SGCD: variants seen among roughly 807,000 people sequenced by gnomAD.
The protein encoded by SGCD is sarcoglycan delta.
Under a neutral mutation model 36.6 loss-of-function variants are expected in SGCD, and 18 were observed. The observed-to-expected ratio is 0.49, with a 90% CI of 0.34 to 0.73. The LOEUF is 0.73. Among genes scored for constraint, SGCD ranks in the 30% least tolerant of loss-of-function variants. SGCD has a pLI of 0.01. For synonymous variants in SGCD, 133 were observed against 130.6 expected (o/e 1.02, Z -0.12); for missense variants, 387 against 346.7 (o/e 1.12, Z -0.92).
At chr5:156,405,228 G>A (rs899307872) in intron 3 of SGCD, among the ~76,000 whole-genome samples, 3 of 152,188 alleles carry the variant, frequency 2.0e-5, no homozygotes, top group Admixed American at 2.0e-4. Flanking sequence ...AACCTTGTAA[G>A]ACCCTCTTCA....
At chr5:155,923,944 G>C (rs980672267) in intron 1 of SGCD, among the ~76,000 whole-genome samples, 7 of 152,166 alleles carry the variant, frequency 4.6e-5, no homozygotes, top group African/African-American at 1.7e-4. Context: ...GGGTGTGAAA[G>C]GGTCCTCATT....
At chr5:156,567,757 G>GAATGTAGT (rs1430627515) in intron 4 of SGCD, among the ~76,000 whole-genome samples, 4 of 152,188 alleles carry the variant, frequency 2.6e-5, no homozygotes, top group Non-Finnish European at 5.9e-5. Flanking sequence ...CAGCTTCTTA[G>GAATGTAGT]AATGTAGTAG....
At chr5:156,393,951 GA>G in intron 3 of SGCD, 2 of 386,274 alleles carry the variant, frequency 5.2e-6, no homozygotes, top group Non-Finnish European at 1.0e-5. Flanking sequence ...TTCTTTCCCT[GA>G]AAAAGGCCAC....
chr5:156,445,747 A>C (rs1002270666), intron 3 of SGCD, among the ~76,000 whole-genome samples: 2 of 152,144 alleles, frequency 1.3e-5, no homozygotes, highest in Admixed American at 6.6e-5. Context: ...GGATTTATCC[A>C]TGTAAAACTG....
intron 1 of SGCD, among the ~76,000 whole-genome samples, chr5:155,997,829 A>G (rs1758584648): frequency 6.6e-6 from 1 of 152,264 alleles, no homozygotes; most frequent in South Asian, 2.1e-4. Flanking sequence ...ATCTGGAGAC[A>G]CTATGAAGAA....
chr5:156,059,627 C>G lies in SGCD; in HGVS notation c.-281-58251C>G, dbSNP rs1295783198. Among the ~76,000 whole-genome samples the G allele has an allele frequency of 1.5e-5, 2 of 136,334 alleles. 1 individual carries two copies. The highest frequency in any genetic ancestry group is 6.4e-5 in the African/African-American group (2 of 31,468). The allele number at this position is 136,334 out of a possible 152,430, so 89.4% of individuals were successfully genotyped here. On this transcript the variant is annotated intron_variant, in intron 1 of 9. Transcript: ENST00000517913. ...AGGTAACACAGTTTAGGTGGCAGTC[C>G]TGCTCTGTGACTTAGCTGCTACCTG...
At chr5:156,731,913 G>A (rs1581487607) in intron 7 of SGCD, among the ~76,000 whole-genome samples, 1 of 152,206 alleles carries the variant, frequency 6.6e-6, no homozygotes, top group East Asian at 1.9e-4. Context: ...TATTTTTGTG[G>A]CAGTTGTGTA....
intron 3 of SGCD, among the ~76,000 whole-genome samples, chr5:156,218,835 T>C (rs375708061): frequency 1.8e-4 from 28 of 152,298 alleles, no homozygotes; most frequent in Middle Eastern, 6.8e-3. Flanking sequence ...CATGTTTATC[T>C]TAAATTTCCA....
chr5:156,492,450 G>A (rs764223097), intron 3 of SGCD, among the ~76,000 whole-genome samples: 15 of 152,026 alleles, frequency 9.9e-5, no homozygotes, highest in African/African-American at 2.9e-4. Flanking sequence ...TCAATATTTC[G>A]ATTCCAGTCT....
chr5:155,897,632 C>G (rs988458851), intron 1 of SGCD, among the ~76,000 whole-genome samples: 2 of 151,506 alleles, frequency 1.3e-5, no homozygotes, highest in Non-Finnish European at 2.9e-5. Context: ...TCTTTATATC[C>G]TGATTTCATA....
chr5:156,086,838 T>C (rs1410580894), intron 1 of SGCD, among the ~76,000 whole-genome samples: 1 of 152,110 alleles, frequency 6.6e-6, no homozygotes, highest in Non-Finnish European at 1.5e-5. Context: ...AAAAATAGGG[T>C]ATTTGGTTAC....
At chr5:156,491,421 C>T (rs921745392) in intron 3 of SGCD, among the ~76,000 whole-genome samples, 5 of 152,102 alleles carry the variant, frequency 3.3e-5, no homozygotes, top group African/African-American at 1.2e-4. Context: ...AGGCATCACA[C>T]TACTTGATCT....
At chr5:156,472,468 A>G (rs1755014083) in intron 3 of SGCD, among the ~76,000 whole-genome samples, 1 of 152,178 alleles carries the variant, frequency 6.6e-6, no homozygotes, top group Non-Finnish European at 1.5e-5. Context: ...CCCAGTCTGG[A>G]GTGCAGTGGC....
intron 3 of SGCD, among the ~76,000 whole-genome samples, chr5:156,470,731 GA>G (rs901055720): frequency 3.3e-5 from 5 of 152,236 alleles, no homozygotes; most frequent in Admixed American, 1.3e-4. Context: ...AGCAAATACA[GA>G]GGATCTCAAA....
intron 1 of SGCD, among the ~76,000 whole-genome samples, chr5:156,114,561 G>C (rs1347547760): frequency 6.6e-6 from 1 of 152,026 alleles, no homozygotes; most frequent in African/African-American, 2.4e-5. Flanking sequence ...TCTGACCCAA[G>C]TTATTTATTG....
chr5:156,354,345 A>G (rs1769399542), intron 3 of SGCD, among the ~76,000 whole-genome samples: 1 of 152,078 alleles, frequency 6.6e-6, no homozygotes, highest in Admixed American at 6.6e-5. Flanking sequence ...TAATGGTTCT[A>G]GTATTGAGAG....
chr5:156,551,506 G>A (rs1286570448), intron 4 of SGCD, among the ~76,000 whole-genome samples: 1 of 152,068 alleles, frequency 6.6e-6, no homozygotes, highest in African/African-American at 2.4e-5. Context: ...AACAGGGCAG[G>A]GTTTTGCGGG....
chr5:156,482,176 A>G (rs1249785210), intron 3 of SGCD, among the ~76,000 whole-genome samples: 1 of 152,182 alleles, frequency 6.6e-6, no homozygotes, highest in Non-Finnish European at 1.5e-5. Context: ...TTCTAGTGCT[A>G]TGGGGTAAAG....
chr5:156,522,344 ATAAAAAAGATAC>A (rs1180605791), intron 4 of SGCD, among the ~76,000 whole-genome samples: 1 of 152,182 alleles, frequency 6.6e-6, no homozygotes, highest in Admixed American at 6.5e-5. Context: ...AAGTATAATA[ATAAAAAAGATAC>A]TAAAAAAGAA....
Sources: allele counts gnomAD v4.1 joint callset (sites outside exome capture counted in the v4.1 genomes callset), GRCh38; gene constraint gnomAD v4.1.1; transcripts MANE v1.5; gene names NCBI Gene and HGNC (gene_info 2026-07-23, HGNC 2026-07-21).